The following IQSEC1 variants were observed in gnomAD, a reference collection of about 807,000 sequenced individuals.
The protein encoded by IQSEC1 is IQ motif and Sec7 domain ArfGEF 1.
In IQSEC1, 31 loss-of-function variants were observed where a neutral mutation model predicts 91.0. That is an observed-to-expected ratio of 0.34 (90% CI 0.26 to 0.46). IQSEC1 has a LOEUF of 0.46. Ranked by LOEUF, IQSEC1 falls within the 20% of genes least tolerant of loss-of-function variation. The pLI, the probability that IQSEC1 is intolerant of heterozygous loss-of-function variation, is 1.00. For missense variants in IQSEC1, 1,388 were observed against 1,575.6 expected (o/e 0.88, Z 2.02); for synonymous variants, 699 against 662.6 (o/e 1.05, Z -0.84).
At chr3:13,118,753 G>A (rs1706375669) in intron 2 of IQSEC1, among the ~76,000 whole-genome samples, 2 of 152,114 alleles carry the variant, frequency 1.3e-5, no homozygotes, top group Non-Finnish European at 2.9e-5. Context: ...AAAACACTGC[G>A]AACGTACTTA....
chr3:13,142,076 G>A (rs763065521), intron 2 of IQSEC1, among the ~76,000 whole-genome samples: 1 of 152,226 alleles, frequency 6.6e-6, no homozygotes. Context: ...GGTTTGAGAC[G>A]CACAGTTGTG....
intron 12 of IQSEC1, among the ~76,000 whole-genome samples, chr3:12,905,194 C>T (rs1184264970): frequency 6.6e-6 from 1 of 152,246 alleles, no homozygotes; most frequent in Non-Finnish European, 1.5e-5. Context: ...CACACACGTG[C>T]TGATCAGGCC....
At chr3:13,118,092 G>A (rs1039975477) in intron 2 of IQSEC1, among the ~76,000 whole-genome samples, 9 of 152,136 alleles carry the variant, frequency 5.9e-5, no homozygotes, top group African/African-American at 1.4e-4. Context: ...TTCAAATAGC[G>A]AGAAGGAGGC....
chr3:13,000,289 C>A (rs537067661), intron 1 of IQSEC1, among the ~76,000 whole-genome samples: 2 of 152,286 alleles, frequency 1.3e-5, no homozygotes, highest in Admixed American at 1.3e-4. Flanking sequence ...TTTCATCCAT[C>A]AAATGGGCAA....
chr3:13,245,089 A>G (rs1559285288), intron 1 of IQSEC1, among the ~76,000 whole-genome samples: 1 of 152,210 alleles, frequency 6.6e-6, no homozygotes, highest in Non-Finnish European at 1.5e-5. Flanking sequence ...TCATGAGTCT[A>G]CAGGTGAGCC....
intron 1 of IQSEC1, among the ~76,000 whole-genome samples, chr3:13,069,547 G>T (rs888551779): frequency 6.6e-6 from 1 of 152,200 alleles, no homozygotes; most frequent in African/African-American, 2.4e-5. Context: ...CTCCTGCGGG[G>T]GCCGGCAGGT....
chr3:13,134,161 G>C (rs1222669647), intron 2 of IQSEC1, among the ~76,000 whole-genome samples: 3 of 152,242 alleles, frequency 2.0e-5, no homozygotes, highest in Non-Finnish European at 2.9e-5. Context: ...GTGGGATGGA[G>C]GGTGTGGATA....
In IQSEC1 at chr3:12,915,690, C is replaced by T. The variant is rs765616648; in HGVS notation, c.2064G>A (p.Gly688=). The change falls in exon 7 of 14, where the codon GGG becomes GGA. Residue 688 remains glycine, a synonymous_variant. Transcript: ENST00000613206. The part of the protein sequence containing the change: ...GEDIPREMLM[G]IYERIRKREL... Reference sequence around the variant, plus strand: ...CTCGCTTACGGATCCGTTCATAGATCCCCATCAGCATCTCACGGGGAATGT... The same window carrying T: ...CTCGCTTACGGATCCGTTCATAGATTCCCATCAGCATCTCACGGGGAATGT... 2 of 1,614,050 alleles carry T rather than the reference C, an allele frequency of 1.2e-6. No homozygotes were observed. Among genetic ancestry groups the T allele is most frequent in the Admixed American group, 1.7e-5 (1 of 60,012 alleles).
At chr3:13,026,880 TTTG>T (rs1559728244) in intron 1 of IQSEC1, among the ~76,000 whole-genome samples, 9 of 20,514 alleles carry the variant, frequency 4.4e-4, no homozygotes, top group African/African-American at 7.6e-4. Context: ...TTTTTTTTTG[TTTG>T]TTTTTTTTTT....
At chr3:13,074,807 G>A (rs368158548), upstream of IQSEC1, among the ~76,000 whole-genome samples, 1,996 of 145,370 alleles carry the variant, frequency 0.014, 41 homozygotes, top group African/African-American at 0.044. Context: ...CACACTCACC[G>A]AATTTAGAAG....
intron 1 of IQSEC1, among the ~76,000 whole-genome samples, chr3:12,990,625 C>CCGCG (rs1701942957): frequency 6.6e-6 from 1 of 152,212 alleles, no homozygotes; most frequent in African/African-American, 2.4e-5. Context: ...AGTCTGGACT[C>CCGCG]CGCGCACTTG....
chr3:13,258,626 C>T (rs1388896037), intron 1 of IQSEC1, among the ~76,000 whole-genome samples: 3 of 151,988 alleles, frequency 2.0e-5, no homozygotes, highest in Non-Finnish European at 2.9e-5. Flanking sequence ...ATCGAGGCTG[C>T]AGTGAGCTAT....
chr3:13,030,815 A>G (rs1029926150), intron 1 of IQSEC1, among the ~76,000 whole-genome samples: 2 of 152,346 alleles, frequency 1.3e-5, no homozygotes, highest in Non-Finnish European at 2.9e-5. Flanking sequence ...GGTGGAAGAA[A>G]CTCAAGCATG....
rs1482651728 is a variant in IQSEC1, at chr3:13,211,146, GAGCTCGC to G, written c.273-47020_273-47014del. Reference sequence around the variant, plus strand: ...TGACTGAGTGATCTCCACCCTCATGGAGCTCGCAGTCTGTGTGGACAAGACACAGGGC... The same window carrying G: ...TGACTGAGTGATCTCCACCCTCATGGAGTCTGTGTGGACAAGACACAGGGC... On this transcript the variant is annotated intron_variant, in intron 1 of 15. Coordinates refer to the IQSEC1 transcript ENST00000648114. This position sits in a 1 kb window ranked among gnomAD's most constrained non-coding sequence, Gnocchi z 5.3. 6.6e-6 allele frequency among the ~76,000 whole-genome samples: 1 copy of G among 152,226 alleles called. No homozygotes were observed. The highest frequency in any genetic ancestry group is 1.5e-5 in the Non-Finnish European group (1 of 68,032).
chr3:13,279,096 C>G (rs1695744447), intron 1 of IQSEC1, among the ~76,000 whole-genome samples: 1 of 152,202 alleles, frequency 6.6e-6, no homozygotes, highest in Admixed American at 6.5e-5. Flanking sequence ...CCCACCCCTG[C>G]TCCCTGGGAT....
Position 12,900,925 on chromosome 3 carries a change from G to C in IQSEC1, c.*58C>G, listed in dbSNP as rs1370054195. 4 of 1,537,370 alleles carry C rather than the reference G, an allele frequency of 2.6e-6. No individual in the cohort carries two copies. The highest frequency in any genetic ancestry group is 2.0e-5 in the Admixed American group (1 of 51,000). ...TTGGTGTGCGGCTGGCGACCCCCGG[G>C]CGTGCCCTGTGTGGTGTGCAGGTGT... On this transcript the variant is annotated 3_prime_UTR_variant, in exon 14 of 14. Coordinates refer to ENST00000613206, the MANE Select transcript of IQSEC1 (RefSeq NM_001134382.3).
At chr3:13,277,787 G>A (rs1695717967) in intron 1 of IQSEC1, among the ~76,000 whole-genome samples, 1 of 152,140 alleles carries the variant, frequency 6.6e-6, no homozygotes, top group Non-Finnish European at 1.5e-5. Context: ...GATCAGAAAA[G>A]AGCCCTCTCG....
At chr3:13,243,004 G>C (rs1349410021) in intron 1 of IQSEC1, among the ~76,000 whole-genome samples, 3 of 152,108 alleles carry the variant, frequency 2.0e-5, no homozygotes, top group Middle Eastern at 3.2e-3. Context: ...AACTTGAGAG[G>C]GTTCCGCCAA....
intron 2 of IQSEC1, among the ~76,000 whole-genome samples, chr3:13,128,533 A>T (rs1706555283): frequency 1.3e-5 from 2 of 152,172 alleles, no homozygotes; most frequent in African/African-American, 4.8e-5. Context: ...TAATTTTTTT[A>T]TACATTGATG....
Sources: allele counts gnomAD v4.1 joint callset (sites outside exome capture counted in the v4.1 genomes callset), GRCh38; gene constraint gnomAD v4.1.1; non-coding constraint Gnocchi (gnomAD v3.1); transcripts MANE v1.5; gene names NCBI Gene and HGNC (gene_info 2026-07-23, HGNC 2026-07-21).